Variants in XBP1 observed in about 807,000 individuals in gnomAD.
The protein encoded by XBP1 is X-box-binding protein 1.
A neutral mutation model predicts 34.6 loss-of-function variants in XBP1; 18 were observed. The observed-to-expected ratio is 0.52, with a 90% CI of 0.36 to 0.77. XBP1 has a LOEUF of 0.77. Among genes scored for constraint, XBP1 ranks in the 30% least tolerant of loss-of-function variants. XBP1 has a pLI of 0.00. For synonymous variants in XBP1, 191 were observed against 193.4 expected (o/e 0.99, Z 0.11); for missense variants, 422 against 464.6 (o/e 0.91, Z 0.84).
intron 1 of XBP1, chr22:28,799,962 C>G: frequency 1.3e-6 from 1 of 779,392 alleles, no homozygotes; most frequent in Non-Finnish European, 2.4e-6. Flanking sequence ...TATTCGACCT[C>G]ATGTCCGAGT....
intron 2 of XBP1, among the ~76,000 whole-genome samples, chr22:28,798,493 G>C (rs2031793142): frequency 2.0e-5 from 3 of 151,800 alleles, no homozygotes; most frequent in Admixed American, 2.0e-4. Context: ...ATTTTTAATA[G>C]AGATGGGGTT....
intron 1 of XBP1, 36 bp from the exon 2 acceptor site, chr22:28,799,189 T>TTG: frequency 6.6e-7 from 1 of 1,523,626 alleles, no homozygotes; most frequent in Non-Finnish European, 9.0e-7. Context: ...CTGAGTCATA[T>TTG]CAAACCTTAT....
chr22:28,795,103 C>T (rs748935699), downstream of XBP1: 7 of 1,421,172 alleles, frequency 4.9e-6, no homozygotes, highest in East Asian at 2.5e-5. Flanking sequence ...GAATGAAGTA[C>T]AGACAGGCTT....
At chr22:28,795,542 C>G in exon 6 of XBP1, 1 of 1,614,114 alleles carries the variant, frequency 6.2e-7, no homozygotes, top group South Asian at 1.1e-5. Context: ...GTGGTCAAAA[C>G]GAATTAGTTC....
intron 1 of XBP1, 110 bp from the exon 2 acceptor site, chr22:28,799,263 A>T: frequency 1.4e-6 from 1 of 716,630 alleles, no homozygotes; most frequent in South Asian, 2.1e-5. Context: ...TATAAGACAG[A>T]CTAATGATAA....
chr22:28,800,345 CTTGCGCGCCTGG>C, exon 1 of XBP1: 2 of 1,549,998 alleles, frequency 1.3e-6, no homozygotes, highest in East Asian at 2.5e-5. Context: ...GGCGCTGTCG[CTTGCGCGCCTGG>C]GGCAGCCCCC....
Position 28,799,166 on chromosome 22 carries a change from G to A in XBP1, c.228-13C>T, listed in dbSNP as rs1490001281. ...GTTTTTCAGTTTCCTAGGAAGAGAA[G>A]GAACATACCACACTGAGTCATATCA... is the stretch of plus-strand genomic sequence containing the variant. On this transcript the variant is annotated splice_polypyrimidine_tract_variant and intron_variant, in intron 1 of 5. Transcript: ENST00000344347. 5 of 1,603,530 alleles carry A rather than the reference G, an allele frequency of 3.1e-6. 1 individual carries two copies. In the South Asian group the frequency reaches 4.4e-5, roughly 14 times the overall value.
At chr22:28,798,257 A>G (rs1289789280) in intron 2 of XBP1, among the ~76,000 whole-genome samples, 1 of 151,016 alleles carries the variant, frequency 6.6e-6, no homozygotes, top group Non-Finnish European at 1.5e-5. Flanking sequence ...TCTGCCCTCA[A>G]CAAGCTTCAC....
chr22:28,799,241 T>G (rs2031817475), intron 1 of XBP1, 88 bp from the exon 2 acceptor site: 1 of 965,442 alleles, frequency 1.0e-6, no homozygotes, highest in Admixed American at 2.4e-5. Context: ...GTGCTTTCAT[T>G]TTTATTTACA....
intron 3 of XBP1, 25 bp downstream of exon 3, chr22:28,797,052 G>T (rs1315827766): frequency 2.5e-6 from 4 of 1,594,754 alleles, no homozygotes; most frequent in South Asian, 2.3e-5. Context: ...CTCACATGAG[G>T]CACCAAATAA....
At chr22:28,795,910 G>T in intron 5 of XBP1, 137 bp downstream of exon 5, 2 of 1,286,818 alleles carry the variant, frequency 1.6e-6, no homozygotes, top group Non-Finnish European at 2.2e-6. Context: ...CCTGGAACTA[G>T]GAAGGTAGTT....
At chr22:28,796,015 A>G (rs200794496) in intron 5 of XBP1, 32 bp downstream of exon 5, 394 of 1,613,256 alleles carry the variant, frequency 2.4e-4, no homozygotes, top group Middle Eastern at 5.0e-4. Flanking sequence ...AACTGGTTAT[A>G]TAGCTCTTTA....
chr22:28,800,058 ACGAGAGAGTT>A, intron 1 of XBP1: 1 of 772,676 alleles, frequency 1.3e-6, no homozygotes, highest in South Asian at 1.4e-5. Context: ...GTCATCTCTA[ACGAGAGAGTT>A]AAAAAGTACA....
In XBP1 at chr22:28,797,019, G is replaced by C. The variant is rs1601437266; in HGVS notation, c.453+58C>G. On this transcript the variant is annotated intron_variant, in intron 3 of 5. Coordinates refer to ENST00000344347, the Ensembl canonical transcript of XBP1. ...GTCCAGACTGTAAACATAATCGCTGGGTCATGTCACTTGGAACCAGTACTC... is the reference window on the plus strand; with the variant it reads ...GTCCAGACTGTAAACATAATCGCTGCGTCATGTCACTTGGAACCAGTACTC... The C allele has an allele frequency of 1.6e-5, 24 of 1,547,700 alleles. No individual in the cohort carries two copies. In the East Asian group the frequency reaches 4.6e-4, roughly 29 times the overall value.
intron 2 of XBP1, among the ~76,000 whole-genome samples, chr22:28,797,797 G>GATAATA (rs148051775): frequency 1.5e-3 from 221 of 150,030 alleles, no homozygotes; most frequent in Non-Finnish European, 2.4e-3. Context: ...TAATGATGAT[G>GATAATA]ATAATAATAA....
intron 3 of XBP1, chr22:28,796,656 T>A (rs1226334438): frequency 5.8e-6 from 1 of 171,794 alleles, no homozygotes; most frequent in African/African-American, 2.4e-5. Context: ...CATACCACCC[T>A]TCTCTTACCA....
intron 2 of XBP1, among the ~76,000 whole-genome samples, chr22:28,798,469 C>T (rs957604848): frequency 2.0e-5 from 3 of 151,424 alleles, no homozygotes; most frequent in East Asian, 3.9e-4. Flanking sequence ...CCACGACACC[C>T]GGCTAATTTT....
At chr22:28,799,761 T>G (rs2031831122) in intron 1 of XBP1, among the ~76,000 whole-genome samples, 2 of 152,190 alleles carry the variant, frequency 1.3e-5, no homozygotes, top group African/African-American at 4.8e-5. Context: ...AGTGAACATT[T>G]ACGGAGGACT....
upstream of XBP1, chr22:28,800,549 C>T (rs1028058887): frequency 1.4e-6 from 2 of 1,472,312 alleles, no homozygotes; most frequent in South Asian, 1.3e-5. Flanking sequence ...CACCGCGCAC[C>T]GCGCGCCGCA....
Sources: gnomAD v4.1 joint callset for allele counts (sites outside exome capture counted in the v4.1 genomes callset) on GRCh38, gnomAD v4.1.1 for gene constraint, MANE v1.5 for transcripts, NCBI Gene and HGNC (gene_info 2026-07-23, HGNC 2026-07-21) for gene names.